The following KALRN variants were observed in gnomAD, a reference collection of about 807,000 sequenced individuals.
The protein encoded by KALRN is kalirin RhoGEF kinase, also known as kalirin.
In KALRN, 70 loss-of-function variants were observed where a neutral mutation model predicts 353.7. That is an observed-to-expected ratio of 0.20 (90% CI 0.16 to 0.24). KALRN has a LOEUF of 0.24. Among genes scored for constraint, KALRN ranks in the 10% least tolerant of loss-of-function variants. The pLI is 1.00. For synonymous variants in KALRN, 1,391 were observed against 1,434.8 expected (o/e 0.97, Z 0.69); for missense variants, 2,791 against 3,756.7 (o/e 0.74, Z 6.72).
chr3:124,717,636 C>T (rs761118224), intron 59 of KALRN, among the ~76,000 whole-genome samples: 1 of 151,140 alleles, frequency 6.6e-6, no homozygotes, highest in Non-Finnish European at 1.5e-5. Flanking sequence ...GCGGAGCTTG[C>T]AGTGAGCCGA....
chr3:124,611,061 TA>T (rs558256848), intron 34 of KALRN, among the ~76,000 whole-genome samples: 48 of 152,040 alleles, frequency 3.2e-4, no homozygotes, highest in Admixed American at 5.9e-4. Flanking sequence ...TAGATGGCAG[TA>T]AGTGCTATAG....
intron 42 of KALRN, among the ~76,000 whole-genome samples, chr3:124,658,847 C>G (rs1454682496): frequency 1.3e-5 from 2 of 152,188 alleles, no homozygotes; most frequent in Non-Finnish European, 2.9e-5. Flanking sequence ...ACCAGTCCCC[C>G]AGGGACCACT....
chr3:124,691,111 G>A (rs1455437252), intron 51 of KALRN, among the ~76,000 whole-genome samples: 1 of 152,156 alleles, frequency 6.6e-6, no homozygotes, highest in East Asian at 1.9e-4. Context: ...CGACCGTGCT[G>A]TATTTTTCCT....
At chr3:124,086,709 C>T (rs1343711730) in intron 1 of KALRN, among the ~76,000 whole-genome samples, 2 of 152,062 alleles carry the variant, frequency 1.3e-5, no homozygotes, top group Admixed American at 6.6e-5. Context: ...ATATAATGTA[C>T]TCACAGTGTT....
rs575204206 is a variant in KALRN, at chr3:124,322,207, G to A, written c.1093-3773G>A. The stretch of plus-strand genomic sequence containing the variant: ...AGCATGAGGTGCTGAGACATGGACA[G>A]CAGGCCTGGGCTACATATACCTCTG... On this transcript the variant is annotated intron_variant, in intron 6 of 59. Transcript: ENST00000682506. Among the ~76,000 whole-genome samples the A allele has an allele frequency of 2.6e-5, 4 of 152,338 alleles. No individual in the cohort carries two copies. The South Asian group carries it at 8.3e-4, about 32-fold the overall frequency.
At chr3:124,267,002 C>CT (rs570900888) in intron 4 of KALRN, among the ~76,000 whole-genome samples, 249 of 152,280 alleles carry the variant, frequency 1.6e-3, no homozygotes, top group African/African-American at 5.6e-3. Context: ...CTCTTTCACT[C>CT]TAAGTTGAAC....
intron 33 of KALRN, among the ~76,000 whole-genome samples, chr3:124,498,464 GAATA>G (rs2108595744): frequency 6.6e-6 from 1 of 152,304 alleles, no homozygotes; most frequent in African/African-American, 2.4e-5. Flanking sequence ...GATACTTGTG[GAATA>G]AATAAATAGA....
At position 124,510,521 on chromosome 3, in the gene KALRN, G is replaced by T. The variant is rs537972785; in HGVS notation, c.4935+14108G>T. On this transcript the variant is annotated intron_variant, in intron 33 of 59. Transcript: ENST00000682506. ...GAGTAGCACACAAAAAATGCTGAGGGTTTTTTTTTTGTTTCAGCATGATGA... is the reference window on the plus strand; with the variant it reads ...GAGTAGCACACAAAAAATGCTGAGGTTTTTTTTTTTGTTTCAGCATGATGA... Among the ~76,000 whole-genome samples the T allele has an allele frequency of 2.0e-5, 3 of 149,024 alleles. No individual in the cohort carries two copies. The South Asian group carries it at 6.4e-4, about 32-fold the overall frequency.
chr3:124,490,345 A>G (rs2063017673), intron 29 of KALRN, among the ~76,000 whole-genome samples: 1 of 152,254 alleles, frequency 6.6e-6, no homozygotes, highest in African/African-American at 2.4e-5. Context: ...AGTCAGGAAC[A>G]GTAGAAAGTT....
intron 6 of KALRN, among the ~76,000 whole-genome samples, chr3:124,302,309 T>C (rs1462536396): frequency 2.6e-5 from 4 of 152,136 alleles, no homozygotes; most frequent in African/African-American, 9.7e-5. Flanking sequence ...CAATAAGTCT[T>C]ATGTTGGAAG....
chr3:124,234,010 A>G (rs2079474239), intron 2 of KALRN, among the ~76,000 whole-genome samples: 1 of 152,344 alleles, frequency 6.6e-6, no homozygotes, highest in Non-Finnish European at 1.5e-5. Flanking sequence ...TAAATAGTGA[A>G]TAGGGTATTT....
chr3:124,597,980 G>T (rs2149423017), intron 34 of KALRN, among the ~76,000 whole-genome samples: 1 of 152,292 alleles, frequency 6.6e-6, no homozygotes, highest in Non-Finnish European at 1.5e-5. Flanking sequence ...GGAGGGTGGA[G>T]TACTGGATCT....
intron 38 of KALRN, among the ~76,000 whole-genome samples, chr3:124,654,402 TG>T (rs1363043432): frequency 6.6e-6 from 1 of 152,206 alleles, no homozygotes; most frequent in East Asian, 1.9e-4. Flanking sequence ...AATTGCTTCC[TG>T]GGTTAAAAAT....
At chr3:124,174,881 C>T (rs940157267) in intron 1 of KALRN, among the ~76,000 whole-genome samples, 13 of 152,312 alleles carry the variant, frequency 8.5e-5, no homozygotes, top group Non-Finnish European at 1.6e-4. Flanking sequence ...GCTCGGTTTC[C>T]GTAAGCTAGT....
intron 3 of KALRN, 84 bp from the exon 4 acceptor site, chr3:124,264,414 G>A (rs1204688817): frequency 3.5e-6 from 4 of 1,131,730 alleles, no homozygotes; most frequent in Non-Finnish European, 5.1e-6. Flanking sequence ...CAAGGGGAGT[G>A]CAGGTTTCCG....
At chr3:124,488,576 C>T in intron 29 of KALRN, 1 of 399,932 alleles carries the variant, frequency 2.5e-6, no homozygotes, top group South Asian at 3.6e-5. Context: ...CAGTCCAGGA[C>T]AGGCCATCAC....
At chr3:124,480,692 T>A (rs2061895668) in intron 27 of KALRN, among the ~76,000 whole-genome samples, 1 of 152,134 alleles carries the variant, frequency 6.6e-6, no homozygotes, top group African/African-American at 2.4e-5. Context: ...CCTTTAGCCA[T>A]CACCCCCCAG....
chr3:124,230,527 C>T (rs910210999), intron 2 of KALRN, among the ~76,000 whole-genome samples: 14 of 152,234 alleles, frequency 9.2e-5, no homozygotes, highest in African/African-American at 3.4e-4. Flanking sequence ...CAGAAAAAAA[C>T]CTTCTCAAGT....
intron 1 of KALRN, among the ~76,000 whole-genome samples, chr3:124,164,978 C>T (rs746290718): frequency 6.6e-6 from 1 of 152,162 alleles, no homozygotes; most frequent in Non-Finnish European, 1.5e-5. Context: ...ATGAGGGGGG[C>T]TCTCTGCAGT....
Sources: gnomAD v4.1 joint callset for allele counts (sites outside exome capture counted in the v4.1 genomes callset) on GRCh38, gnomAD v4.1.1 for gene constraint, MANE v1.5 for transcripts, NCBI Gene and HGNC (gene_info 2026-07-23, HGNC 2026-07-21) for gene names.